CD200R1: variants seen among roughly 807,000 people sequenced by gnomAD.
CD200R1 encodes CD200 receptor 1, also known as cell surface glycoprotein CD200 receptor 1.
Under a neutral mutation model 38.1 loss-of-function variants are expected in CD200R1, and 30 were observed. The ratio of observed to expected loss-of-function variants is 0.79; its 90% confidence interval spans 0.59 to 1.07. The LOEUF is 1.07. Among genes scored for constraint, CD200R1 ranks in the 50% least tolerant of loss-of-function variants. The pLI is 0.00. For synonymous variants in CD200R1, 128 were observed against 152.1 expected, an observed-to-expected ratio of 0.84 and a Z score of 1.16; for missense variants, 372 against 415.4, an observed-to-expected ratio of 0.90 and a Z score of 0.91.
intron 5 of CD200R1, among the ~76,000 whole-genome samples, 200 bp downstream of exon 5, chr3:112,928,616 T>A (rs1218163711): frequency 6.6e-6 from 1 of 152,190 alleles, no homozygotes; most frequent in Non-Finnish European, 1.5e-5. Context: ...AGAATTAAAC[T>A]GCATTCTAAA....
intron 2 of CD200R1, among the ~76,000 whole-genome samples, chr3:112,931,912 C>A (rs903647454): frequency 6.6e-6 from 1 of 152,256 alleles, no homozygotes; most frequent in East Asian, 1.9e-4. Context: ...CATCCTTCCA[C>A]ATCCTCTTCC....
Position 112,923,692 on chromosome 3 carries a change from G to T in CD200R1, c.1032C>A (p.Asp344Glu). 1 of 1,549,948 alleles carries T rather than the reference G, an allele frequency of 6.5e-7. No homozygotes were observed. Among genetic ancestry groups the T allele is most frequent in the East Asian group, 2.3e-5 (1 of 43,974 alleles). The change falls in exon 8 of 8, where the codon GAC (aspartate) becomes GAA (glutamate). Residue 344 changes from aspartate to glutamate, a missense_variant. Asp to Glu is a conservative substitution (Grantham distance 45, BLOSUM62 2). Transcript: ENST00000308611. ...GTCCAACAACTTATAAAGTATGGAG[G>T]TCTGTGTCAACTTCACTTTGTAATG... ...SEALQSEVDT[D>E]LHTL
intron 2 of CD200R1, among the ~76,000 whole-genome samples, chr3:112,938,114 T>C (rs992066710): frequency 1.2e-4 from 19 of 152,178 alleles, no homozygotes; most frequent in African/African-American, 4.6e-4. Context: ...GTTTTCTAGA[T>C]ATAGAATCAT....
At chr3:112,927,167 C>G (rs1940299121) in intron 5 of CD200R1, among the ~76,000 whole-genome samples, 1 of 152,010 alleles carries the variant, frequency 6.6e-6, no homozygotes, top group Non-Finnish European at 1.5e-5. Context: ...ATCCAGACAT[C>G]AGGGAGGGTG....
Position 112,969,909 on chromosome 3 carries a change from C to T in CD200R1, c.67+4882G>A, listed in dbSNP as rs1012083394. ...AAAACTGGCCAGGTACAGTGACTCA[C>T]GCCTGTAATTCCAACACTTTGGGAG... On this transcript the variant is annotated intron_variant, in intron 1 of 7. Coordinates refer to ENST00000308611, the MANE Select transcript of CD200R1 (RefSeq NM_138806.4). Among the ~76,000 whole-genome samples the T allele has an allele frequency of 3.9e-5, 6 of 152,174 alleles. No homozygotes were observed. In the East Asian group the frequency reaches 1.2e-3, roughly 29 times the overall value.
At chr3:112,953,130 C>G (rs1941008194) in intron 1 of CD200R1, among the ~76,000 whole-genome samples, 1 of 152,090 alleles carries the variant, frequency 6.6e-6, no homozygotes, top group African/African-American at 2.4e-5. Flanking sequence ...GAAGTACTTT[C>G]CTTCTATACC....
At position 112,929,046 on chromosome 3, in the gene CD200R1, A is replaced by T; in HGVS notation, c.539T>A (p.Leu180Gln). ...LQVLVTPEVTLFQNRNRTAVC... is the reference protein window; with the variant it reads ...LQVLVTPEVTQFQNRNRTAVC... Reference sequence around the variant, plus strand: ...TGCAGTTCTATTCCTGTTTTGAAACAGGGTCACTTCAGGTGTAACTGCAGA... The same window carrying T: ...TGCAGTTCTATTCCTGTTTTGAAACTGGGTCACTTCAGGTGTAACTGCAGA... The change falls in exon 5 of 8, where the codon CTG (leucine) becomes CAG (glutamine). Residue 180 changes from leucine (L) to glutamine (Q), a missense_variant. Transcript: ENST00000308611. 6.2e-7 allele frequency: 1 copy of T among 1,613,932 alleles called. No individual in the cohort carries two copies. Among genetic ancestry groups the T allele is most frequent in the Non-Finnish European group, 8.5e-7 (1 of 1,180,006 alleles).
chr3:112,942,067 G>A (rs969749315), intron 2 of CD200R1, among the ~76,000 whole-genome samples: 2 of 151,630 alleles, frequency 1.3e-5, no homozygotes, highest in Non-Finnish European at 3.0e-5. Flanking sequence ...CTGTAGGCCT[G>A]CCTTCCAAAA....
chr3:112,933,706 G>A (rs1940510378), intron 2 of CD200R1, among the ~76,000 whole-genome samples: 2 of 151,830 alleles, frequency 1.3e-5, no homozygotes, highest in African/African-American at 2.4e-5. Context: ...AACTCAATGA[G>A]ATAAAAGAGA....
chr3:112,951,705 A>G (rs886910892), intron 1 of CD200R1, among the ~76,000 whole-genome samples: 2 of 151,522 alleles, frequency 1.3e-5, no homozygotes, highest in African/African-American at 2.4e-5. Flanking sequence ...TAAAATACTA[A>G]TAATATTTTA....
At chr3:112,949,800 G>A (rs1246742601) in intron 1 of CD200R1, among the ~76,000 whole-genome samples, 1 of 152,124 alleles carries the variant, frequency 6.6e-6, no homozygotes, top group East Asian at 1.9e-4. Context: ...GATTACAAAG[G>A]CATCTGGACA....
At chr3:112,943,949 A>C (rs187683666) in intron 2 of CD200R1, among the ~76,000 whole-genome samples, 1 of 151,880 alleles carries the variant, frequency 6.6e-6, no homozygotes, top group African/African-American at 2.4e-5. Flanking sequence ...TAAAGGAGAA[A>C]CAGGCAAATT....
At chr3:112,923,863 G>GT (rs1181811669) in intron 7 of CD200R1, 64 bp from the exon 8 acceptor site, 1 of 1,037,772 alleles carries the variant, frequency 9.6e-7, no homozygotes, top group Non-Finnish European at 1.4e-6. Context: ...CTGTATTTTT[G>GT]TAACAGTTGC....
rs1940343189 is a variant in CD200R1, at chr3:112,928,887, T to C, written c.698A>G (p.Asn233Ser). 3 of 1,613,834 alleles carry C rather than the reference T, an allele frequency of 1.9e-6. No homozygotes were observed. The highest frequency in any genetic ancestry group is 2.2e-5 in the East Asian group (1 of 44,880). The change falls in exon 5 of 8, where the codon AAT (asparagine) becomes AGT (serine). Residue 233 changes from asparagine (N) to serine (S), a missense_variant. Transcript: ENST00000308611. The part of the protein sequence containing the change: ...VKSTCHWEVH[N>S]VSTVTCHVSH... The stretch of plus-strand genomic sequence containing the variant: ...GACGTGGCAGGTCACGGTAGACACA[T>C]TGTGGACCTCCCAGTGGCATGTACT...
At chr3:112,946,032 C>CAAA (rs1208921538) in intron 2 of CD200R1, among the ~76,000 whole-genome samples, 16,233 of 71,298 alleles carry the variant, frequency 0.23, 2,087 homozygotes, top group East Asian at 0.36. Context: ...GACTCCGTCT[C>CAAA]AAAAAAAAAA....
intron 2 of CD200R1, among the ~76,000 whole-genome samples, chr3:112,938,256 C>A (rs1940632478): frequency 1.3e-5 from 2 of 152,052 alleles, no homozygotes; most frequent in African/African-American, 4.8e-5. Context: ...AGAGGGCATC[C>A]TTGTCTTGTG....
chr3:112,929,630 T>A (rs558813347), intron 3 of CD200R1, 123 bp from the exon 4 acceptor site: 2 of 855,898 alleles, frequency 2.3e-6, no homozygotes, highest in Non-Finnish European at 3.4e-6. Flanking sequence ...TCCAAAAATA[T>A]TAGACCTTCA....
intron 1 of CD200R1, among the ~76,000 whole-genome samples, chr3:112,971,293 C>T (rs980453008): frequency 6.6e-6 from 1 of 152,066 alleles, no homozygotes; most frequent in Non-Finnish European, 1.5e-5. Flanking sequence ...ATGACAAGAA[C>T]AAAATCTGTA....
chr3:112,951,155 C>A (rs1470650340), intron 1 of CD200R1, among the ~76,000 whole-genome samples: 1 of 151,836 alleles, frequency 6.6e-6, no homozygotes, highest in African/African-American at 2.4e-5. Flanking sequence ...GAACACAAAT[C>A]TCTAATATCA....
Sources: gnomAD v4.1 joint callset for allele counts (sites outside exome capture counted in the v4.1 genomes callset) on GRCh38, gnomAD v4.1.1 for gene constraint, MANE v1.5 for transcripts, NCBI Gene and HGNC (gene_info 2026-07-23, HGNC 2026-07-21) for gene names.